Variants in LOC128462377 observed in about 807,000 individuals in gnomAD.
chr16:89,367,128 C>A, the LOC128462377 span, among the ~76,000 whole-genome samples: 1 of 152,194 alleles, frequency 6.6e-6, no homozygotes, highest in Admixed American at 6.5e-5. Context: ...TACCTCAACT[C>A]TCCACCCCGC....
the LOC128462377 span, among the ~76,000 whole-genome samples, chr16:89,342,640 G>C: frequency 1.3e-5 from 2 of 152,160 alleles, no homozygotes; most frequent in East Asian, 1.9e-4. Flanking sequence ...AAATCCCCAA[G>C]TATGAGCTGA....
chr16:89,369,900 A>G, the LOC128462377 span, among the ~76,000 whole-genome samples: 3 of 152,174 alleles, frequency 2.0e-5, no homozygotes, highest in African/African-American at 4.8e-5. Context: ...CATGTCATCT[A>G]TGGTTATCTC....
the LOC128462377 span, among the ~76,000 whole-genome samples, chr16:89,413,937 C>G: frequency 6.6e-6 from 1 of 152,152 alleles, no homozygotes; most frequent in Non-Finnish European, 1.5e-5. Flanking sequence ...TCCAACCTGG[C>G]CACCCAGACA....
the LOC128462377 span, among the ~76,000 whole-genome samples, chr16:89,415,281 TTGA>T: frequency 9.5e-6 from 1 of 105,020 alleles, no homozygotes; most frequent in African/African-American, 3.6e-5. Flanking sequence ...TTTTTTTTTT[TTGA>T]GATGGAGTCT....
the LOC128462377 span, among the ~76,000 whole-genome samples, chr16:89,364,067 A>AACACACACAC: frequency 6.6e-6 from 1 of 150,426 alleles, no homozygotes; most frequent in African/African-American, 2.4e-5. Context: ...GCTGATTTAA[A>AACACACACAC]ACACACACAC....
At chr16:89,392,282 A>C in the LOC128462377 span, 1 of 152,308 alleles carries the variant, frequency 6.6e-6, no homozygotes, top group Non-Finnish European at 1.5e-5. Context: ...AATTAAATTT[A>C]CGTTCAAGTG....
At chr16:89,358,547 T>C in the LOC128462377 span, among the ~76,000 whole-genome samples, 2 of 152,170 alleles carry the variant, frequency 1.3e-5, no homozygotes, top group Non-Finnish European at 2.9e-5. Flanking sequence ...CATGCCTATA[T>C]CAAAACATCT....
the LOC128462377 span, among the ~76,000 whole-genome samples, chr16:89,345,880 G>C: frequency 6.6e-6 from 1 of 152,150 alleles, no homozygotes; most frequent in Non-Finnish European, 1.5e-5. Context: ...ATGGCAAAAA[G>C]TTCCTTTCAC....
the LOC128462377 span, among the ~76,000 whole-genome samples, chr16:89,403,945 C>T: frequency 1.3e-5 from 2 of 152,092 alleles, no homozygotes; most frequent in Non-Finnish European, 2.9e-5. Context: ...AACAACAACA[C>T]ATCTTTATAT....
chr16:89,394,402 G>A, the LOC128462377 span, among the ~76,000 whole-genome samples: 1 of 152,238 alleles, frequency 6.6e-6, no homozygotes, highest in East Asian at 1.9e-4. Context: ...GCCAAGGCGG[G>A]CAGATCACCT....
the LOC128462377 span, among the ~76,000 whole-genome samples, chr16:89,408,986 C>T: frequency 1.3e-5 from 2 of 152,116 alleles, no homozygotes; most frequent in African/African-American, 2.4e-5. Context: ...ACAGAAAAGG[C>T]GGCCCCAACC....
At chr16:89,381,791 C>T in the LOC128462377 span, among the ~76,000 whole-genome samples, 3 of 152,288 alleles carry the variant, frequency 2.0e-5, no homozygotes, top group South Asian at 2.1e-4. Flanking sequence ...AAGTGTTCCC[C>T]GAGCACATTG....
chr16:89,405,330 G>A, the LOC128462377 span, among the ~76,000 whole-genome samples: 5 of 152,072 alleles, frequency 3.3e-5, no homozygotes, highest in Non-Finnish European at 4.4e-5. Flanking sequence ...AGTCACATAG[G>A]TAACTGTTTT....
the LOC128462377 span, among the ~76,000 whole-genome samples, chr16:89,405,300 A>G: frequency 2.0e-5 from 3 of 152,174 alleles, no homozygotes; most frequent in African/African-American, 7.2e-5. Flanking sequence ...TGTAGGGCAC[A>G]TTTGCAAAAC....
the LOC128462377 span, among the ~76,000 whole-genome samples, chr16:89,379,224 G>A: frequency 5.3e-5 from 8 of 152,376 alleles, no homozygotes; most frequent in Non-Finnish European, 1.0e-4. Flanking sequence ...CACACCGTCT[G>A]TATGTGCGTC....
chr16:89,367,253 G>T, the LOC128462377 span, among the ~76,000 whole-genome samples: 15 of 152,220 alleles, frequency 9.9e-5, no homozygotes, highest in Admixed American at 3.9e-4. Context: ...TTCTCTCAGG[G>T]GTGGGTAGAG....
chr16:89,376,458 G>C, the LOC128462377 span, among the ~76,000 whole-genome samples: 4 of 152,104 alleles, frequency 2.6e-5, no homozygotes, highest in African/African-American at 9.7e-5. Context: ...GTTTTTTTGA[G>C]TCAGACTCTT....
the LOC128462377 span, among the ~76,000 whole-genome samples, chr16:89,337,852 C>G: frequency 6.6e-6 from 1 of 152,212 alleles, no homozygotes; most frequent in Admixed American, 6.5e-5. Context: ...GTTCCTCTCC[C>G]TCTGTTCTCT....
the LOC128462377 span, among the ~76,000 whole-genome samples, chr16:89,401,210 C>T: frequency 6.6e-6 from 1 of 151,814 alleles, no homozygotes; most frequent in African/African-American, 2.4e-5. Context: ...TCTCCTGCCT[C>T]AGCCTTCCAA....
Sources: allele counts gnomAD v4.1 joint callset (sites outside exome capture counted in the v4.1 genomes callset), GRCh38; gene constraint gnomAD v4.1.1; transcripts MANE v1.5.